Variants in TMEM74 observed in about 807,000 individuals in gnomAD.
The protein encoded by TMEM74 is transmembrane protein 74.
TMEM74 carries 13 observed loss-of-function variants against 18.1 expected under a neutral mutation model. The ratio of observed to expected loss-of-function variants is 0.72; its 90% CI spans 0.47 to 1.14. The LOEUF (loss-of-function observed/expected upper bound fraction) is 1.14, where lower values mean the gene tolerates loss of function less well. Ranked by LOEUF, TMEM74 falls within the 50% of genes most tolerant of loss-of-function variation. The probability of loss-of-function intolerance (pLI) is 0.00; values close to 1 mark genes in which losing one functional copy is unlikely to be tolerated. For missense variants in TMEM74, 372 were observed against 375.9 expected (o/e 0.99, Z 0.09); for synonymous variants, 159 against 146.6 (o/e 1.08, Z -0.61).
intron 1 of TMEM74, among the ~76,000 whole-genome samples, chr8:108,724,553 G>T (rs1167289215): frequency 1.3e-5 from 2 of 152,108 alleles, no homozygotes; most frequent in Non-Finnish European, 2.9e-5. Flanking sequence ...ATTAAGAGAT[G>T]ATTAAATTTT....
chr8:108,710,685 A>T (rs1184303035), intron 1 of TMEM74, among the ~76,000 whole-genome samples: 1 of 152,150 alleles, frequency 6.6e-6, no homozygotes, highest in Non-Finnish European at 1.5e-5. Context: ...ACACAGCTGC[A>T]CGGTTGGCTC....
chr8:108,631,794 A>G (rs1812555216), intron 2 of TMEM74, among the ~76,000 whole-genome samples: 1 of 151,958 alleles, frequency 6.6e-6, no homozygotes, highest in South Asian at 2.1e-4. Context: ...ATTTTTGTAA[A>G]TCAATCTCAG....
At chr8:108,774,776 T>TTC (rs1814210017), downstream of TMEM74, among the ~76,000 whole-genome samples, 5 of 150,638 alleles carry the variant, frequency 3.3e-5, no homozygotes, top group South Asian at 1.1e-3. Context: ...TTTTTTTTTT[T>TTC]TCTGTAGAGA....
rs142648866 is a variant in TMEM74, at chr8:108,751,272, A to G, written n.119+36204T>C. On this transcript the variant is annotated intron_variant and non_coding_transcript_variant, in intron 1 of 3. Coordinates refer to the TMEM74 transcript ENST00000518838. ...CTCCATGATAAGCTTCAAGGAAGAG[A>G]AGATATTTTTAGGGAGAGGCCGAGG... Among the ~76,000 whole-genome samples, 872 of 152,216 alleles carry G rather than the reference A, an allele frequency of 5.7e-3. 6 individuals are homozygous for G. The highest frequency in any genetic ancestry group is 0.02 in the African/African-American group (814 of 41,558).
intron 2 of TMEM74, among the ~76,000 whole-genome samples, chr8:108,627,771 G>T (rs555224183): frequency 2.5e-3 from 381 of 152,166 alleles, no homozygotes; most frequent in Non-Finnish European, 4.4e-3. Context: ...GAGTCAAATT[G>T]TCCATGCATG....
At chr8:108,744,863 C>T (rs78475823) in intron 1 of TMEM74, among the ~76,000 whole-genome samples, 2,711 of 152,244 alleles carry the variant, frequency 0.018, 91 homozygotes, top group African/African-American at 0.061. Context: ...GCCTTCTACA[C>T]TTCCCTGGGA....
chr8:108,637,003 C>T (rs544436331), intron 2 of TMEM74, among the ~76,000 whole-genome samples: 3 of 152,046 alleles, frequency 2.0e-5, no homozygotes, highest in Admixed American at 6.6e-5. Context: ...CTCTTGGATA[C>T]TATTAAGCAA....
Position 108,727,717 on chromosome 8 carries a change from G to A in TMEM74, n.119+59759C>T, listed in dbSNP as rs149426974. Among the ~76,000 whole-genome samples the A allele has an allele frequency of 1.6e-3, 238 of 152,230 alleles. 1 individual carries two copies. Among genetic ancestry groups the A allele is most frequent in the African/African-American group, 5.3e-3 (222 of 41,526 alleles). ...AAGCAATCAACATATCAATTATATT[G>A]AAAGACATGAAAATTGAAGAGATCA... On this transcript the variant is annotated intron_variant and non_coding_transcript_variant, in intron 1 of 3. Transcript: ENST00000518838.
intron 1 of TMEM74, among the ~76,000 whole-genome samples, chr8:108,749,209 A>G (rs1031226390): frequency 2.6e-5 from 4 of 152,060 alleles, no homozygotes; most frequent in Admixed American, 1.3e-4. Context: ...GTATTTTAAC[A>G]GGAATAGCAC....
intron 2 of TMEM74, among the ~76,000 whole-genome samples, chr8:108,648,308 T>A (rs1812740993): frequency 1.3e-5 from 2 of 152,084 alleles, no homozygotes; most frequent in African/African-American, 2.4e-5. Flanking sequence ...ACTATGTTTT[T>A]ATGAGCATGA....
In TMEM74 at chr8:108,662,432, A is replaced by G. The variant is rs148329490; in HGVS notation, n.120-6995T>C. 1.1e-4 allele frequency among the ~76,000 whole-genome samples: 16 copies of G among 152,258 alleles called. No individual in the cohort carries two copies. In the East Asian group the frequency reaches 3.1e-3, roughly 29 times the overall value. The stretch of plus-strand genomic sequence containing the variant: ...AGGCAGCAACTACTACAGACATGAG[A>G]ACTTTAAGGAAAGGGAGTTGCTCTT... On this transcript the variant is annotated intron_variant and non_coding_transcript_variant, in intron 1 of 3. Transcript: ENST00000518838.
At chr8:108,715,510 T>G (rs896583159) in intron 1 of TMEM74, among the ~76,000 whole-genome samples, 2 of 152,018 alleles carry the variant, frequency 1.3e-5, no homozygotes, top group Non-Finnish European at 2.9e-5. Flanking sequence ...TAAAAAAAAC[T>G]GGAGAAGAAA....
At chr8:108,619,292 G>C (rs895637587) in intron 2 of TMEM74, among the ~76,000 whole-genome samples, 1 of 152,164 alleles carries the variant, frequency 6.6e-6, no homozygotes, top group African/African-American at 2.4e-5. Flanking sequence ...ATTTTTAAAA[G>C]TCCAAGAATA....
Position 108,761,346 on chromosome 8 carries a change from A to G in TMEM74, n.119+26130T>C, listed in dbSNP as rs76746486. 2.2e-4 allele frequency among the ~76,000 whole-genome samples: 33 copies of G among 152,096 alleles called. No individual in the cohort carries two copies. The East Asian group carries it at 6.0e-3, about 28-fold the overall frequency. On this transcript the variant is annotated intron_variant and non_coding_transcript_variant, in intron 1 of 3. Transcript: ENST00000518838. Reference sequence around the variant, plus strand: ...CATAGTGTTATTATAAACATTAAATATCAATATAAAGAGATCTGCACAGAG... The same window carrying G: ...CATAGTGTTATTATAAACATTAAATGTCAATATAAAGAGATCTGCACAGAG...
intron 1 of TMEM74, among the ~76,000 whole-genome samples, chr8:108,657,611 A>G (rs1812832376): frequency 6.6e-6 from 1 of 151,552 alleles, no homozygotes; most frequent in South Asian, 2.1e-4. Context: ...TAATCCCAGC[A>G]CTTTGTGAGG....
chr8:108,722,327 T>G (rs1240353371), intron 1 of TMEM74, among the ~76,000 whole-genome samples: 1 of 152,168 alleles, frequency 6.6e-6, no homozygotes, highest in African/African-American at 2.4e-5. Context: ...CACAAATGAA[T>G]TCTTGTAAGC....
At chr8:108,652,046 C>T (rs958782616) in intron 2 of TMEM74, among the ~76,000 whole-genome samples, 1 of 151,604 alleles carries the variant, frequency 6.6e-6, no homozygotes, top group African/African-American at 2.4e-5. Flanking sequence ...TAGGTCTTGA[C>T]TTCTATGAAC....
intron 1 of TMEM74, among the ~76,000 whole-genome samples, chr8:108,709,589 C>T (rs1813454687): frequency 6.6e-6 from 1 of 152,074 alleles, no homozygotes; most frequent in African/African-American, 2.4e-5. Context: ...GGTGAATAAG[C>T]TCTAGGCGTC....
Position 108,784,052 on chromosome 8 carries a change from TACTG to T in TMEM74, c.*125_*128del. On this transcript the variant is annotated 3_prime_UTR_variant, in exon 2 of 2. Transcript: ENST00000297459. ...AAGACACATAGAGAACAAAAACACT[TACTG>T]GCTGTTGGTTTGTGAAATAAACTTT... is the stretch of plus-strand genomic sequence containing the variant. 1 of 783,478 alleles carries T rather than the reference TACTG, an allele frequency of 1.3e-6. No individual in the cohort carries two copies. Among genetic ancestry groups the T allele is most frequent in the Non-Finnish European group, 2.0e-6 (1 of 500,854 alleles). The allele number at this position is 783,478 out of a possible 1,614,324, so 48.5% of individuals were successfully genotyped here. A position where few individuals can be genotyped will look rare whatever the true frequency, so the allele number is the denominator to read the frequency against.
Sources: gnomAD v4.1 joint callset for allele counts (sites outside exome capture counted in the v4.1 genomes callset) on GRCh38, gnomAD v4.1.1 for gene constraint, MANE v1.5 for transcripts, NCBI Gene and HGNC (gene_info 2026-07-23, HGNC 2026-07-21) for gene names.